CATSPERE: variants seen among roughly 807,000 people sequenced by gnomAD.
CATSPERE encodes cation channel sperm-associated auxiliary subunit epsilon.
Under a neutral mutation model 114.1 loss-of-function variants are expected in CATSPERE, and 93 were observed. The observed-to-expected ratio is 0.81, with a 90% confidence interval of 0.69 to 0.97. CATSPERE has a LOEUF of 0.97. Ranked by LOEUF, CATSPERE falls within the 50% of genes least tolerant of loss-of-function variation. CATSPERE has a pLI of 0.00. For missense variants in CATSPERE, 1,058 were observed against 1,131.6 expected (o/e 0.93, Z 0.93); for synonymous variants, 341 against 384.1 (o/e 0.89, Z 1.31).
chr1:244,489,299 G>T (rs1209000589), intron 5 of CATSPERE, among the ~76,000 whole-genome samples: 1 of 152,010 alleles, frequency 6.6e-6, no homozygotes, highest in Non-Finnish European at 1.5e-5. Context: ...GGAAGGATTT[G>T]TCATGCTAAA....
chr1:244,569,365 GT>G (rs1664114380), intron 10 of CATSPERE, among the ~76,000 whole-genome samples: 1 of 152,196 alleles, frequency 6.6e-6, no homozygotes, highest in Non-Finnish European at 1.5e-5. Context: ...GACTGGAGCT[GT>G]TCCTATTCTC....
upstream of CATSPERE, among the ~76,000 whole-genome samples, chr1:244,453,941 T>C (rs1377546743): frequency 2.0e-5 from 3 of 152,216 alleles, no homozygotes; most frequent in Non-Finnish European, 4.4e-5. Context: ...GGGAGACTTC[T>C]CCTGAATCAG....
intron 8 of CATSPERE, among the ~76,000 whole-genome samples, chr1:244,536,278 G>A (rs1453567837): frequency 6.6e-6 from 1 of 151,982 alleles, no homozygotes; most frequent in African/African-American, 2.4e-5. Flanking sequence ...GTCTCACTAG[G>A]TTGAATGCCA....
chr1:244,610,398 T>C (rs753711467), intron 19 of CATSPERE, 72 bp downstream of exon 19: 8 of 1,057,832 alleles, frequency 7.6e-6, no homozygotes, highest in African/African-American at 1.6e-5. Context: ...TAACAAAAAC[T>C]TGATGGAAAC....
chr1:244,613,286 G>A (rs1670971766), intron 19 of CATSPERE, among the ~76,000 whole-genome samples: 1 of 151,704 alleles, frequency 6.6e-6, no homozygotes, highest in South Asian at 2.1e-4. Flanking sequence ...TTTCAAGTGG[G>A]GATACATCAA....
chr1:244,527,192 C>T (rs1471026139), intron 8 of CATSPERE, among the ~76,000 whole-genome samples: 2 of 152,258 alleles, frequency 1.3e-5, no homozygotes, highest in Middle Eastern at 3.4e-3. Flanking sequence ...GTAATTTCCT[C>T]GTCCTAATAA....
chr1:244,566,576 T>TAAAGGAAA (rs1398092847), intron 10 of CATSPERE, among the ~76,000 whole-genome samples: 3 of 151,276 alleles, frequency 2.0e-5, no homozygotes, highest in Admixed American at 2.0e-4. Flanking sequence ...TACCATTATG[T>TAAAGGAAA]AATGCCCTTC....
At chr1:244,471,007 G>T (rs528135930) in intron 2 of CATSPERE, among the ~76,000 whole-genome samples, 1 of 152,310 alleles carries the variant, frequency 6.6e-6, no homozygotes, top group South Asian at 2.1e-4. Context: ...GCCTAGGGCT[G>T]GGAGATAGGG....
At chr1:244,493,874 G>A (rs1345222661) in intron 6 of CATSPERE, among the ~76,000 whole-genome samples, 1 of 152,198 alleles carries the variant, frequency 6.6e-6, no homozygotes, top group Non-Finnish European at 1.5e-5. Flanking sequence ...CTGGCCATCA[G>A]AGAAATGCAA....
Position 244,640,358 on chromosome 1 carries a change from C to A in CATSPERE, c.*277C>A, listed in dbSNP as rs1488187147. 1 of 212,014 alleles carries A rather than the reference C, an allele frequency of 4.7e-6. No individual in the cohort carries two copies. The highest frequency in any genetic ancestry group is 2.3e-5 in the African/African-American group (1 of 43,014). The allele number at this position is 212,014 out of a possible 1,614,324, so 13.1% of individuals were successfully genotyped here. A position where few individuals can be genotyped will look rare whatever the true frequency, so the allele number is the denominator to read the frequency against. Reference sequence around the variant, plus strand: ...AAAAATAAACTAAATTTGACTATTACAATCCTTTGTAAGAATGAAAGTGAA... The same window carrying A: ...AAAAATAAACTAAATTTGACTATTAAAATCCTTTGTAAGAATGAAAGTGAA... On this transcript the variant is annotated 3_prime_UTR_variant, in exon 22 of 22. Coordinates refer to ENST00000366534, the MANE Select transcript of CATSPERE (RefSeq NM_001130957.2).
chr1:244,510,685 G>A (rs921030266), intron 7 of CATSPERE, among the ~76,000 whole-genome samples: 1 of 151,944 alleles, frequency 6.6e-6, no homozygotes, highest in Non-Finnish European at 1.5e-5. Flanking sequence ...CTAGAGTTCT[G>A]TCCAATGCTG....
At chr1:244,536,091 G>A (rs763795201) in intron 8 of CATSPERE, among the ~76,000 whole-genome samples, 18 of 151,890 alleles carry the variant, frequency 1.2e-4, no homozygotes, top group Admixed American at 2.6e-4. Flanking sequence ...CCTCAGGACT[G>A]CCCAGTGCCC....
chr1:244,497,765 C>T (rs999407217), intron 6 of CATSPERE, among the ~76,000 whole-genome samples: 8 of 151,986 alleles, frequency 5.3e-5, no homozygotes, highest in African/African-American at 1.9e-4. Flanking sequence ...CCATTGCACT[C>T]CAGCCTGGGC....
intron 17 of CATSPERE, among the ~76,000 whole-genome samples, chr1:244,604,450 AC>A (rs1669705446): frequency 6.6e-6 from 1 of 152,382 alleles, no homozygotes; most frequent in Admixed American, 6.5e-5. Flanking sequence ...GCTGTAGCAG[AC>A]CTAGAAGGCC....
At chr1:244,499,880 A>G (rs1400690685) in intron 7 of CATSPERE, among the ~76,000 whole-genome samples, 1 of 152,190 alleles carries the variant, frequency 6.6e-6, no homozygotes, top group Non-Finnish European at 1.5e-5. Context: ...TTGCTGGGTC[A>G]AATGGTATTT....
At chr1:244,558,143 T>C (rs1661964963) in intron 9 of CATSPERE, among the ~76,000 whole-genome samples, 1 of 146,606 alleles carries the variant, frequency 6.8e-6, no homozygotes. Flanking sequence ...TCTCTCTTTT[T>C]TTTTTTTTTT....
At chr1:244,558,225 T>C (rs1351714000) in intron 9 of CATSPERE, among the ~76,000 whole-genome samples, 1 of 137,774 alleles carries the variant, frequency 7.3e-6, no homozygotes, top group Non-Finnish European at 1.5e-5. Flanking sequence ...CACTGCAACC[T>C]CCGCCTCCCA....
chr1:244,454,558 T>C (rs760193357), exon 1 of CATSPERE: 2 of 151,268 alleles, frequency 1.3e-5, no homozygotes, highest in African/African-American at 2.4e-5. Flanking sequence ...GCCACTCCAT[T>C]CTTCTGGAAA....
chr1:244,593,639 A>T, intron 17 of CATSPERE, 61 bp downstream of exon 17: 1 of 1,364,072 alleles, frequency 7.3e-7, no homozygotes, highest in Non-Finnish European at 1.0e-6. Flanking sequence ...AAAGCACGAA[A>T]ACAAGACTAA....
Sources: gnomAD v4.1 joint callset for allele counts (sites outside exome capture counted in the v4.1 genomes callset) on GRCh38, gnomAD v4.1.1 for gene constraint, MANE v1.5 for transcripts, NCBI Gene and HGNC (gene_info 2026-07-23, HGNC 2026-07-21) for gene names.